Variants in SDHAF3 observed in about 807,000 individuals in gnomAD.
The protein encoded by SDHAF3 is succinate dehydrogenase complex assembly factor 3.
Under a neutral mutation model 11.5 loss-of-function variants are expected in SDHAF3, and 18 were observed. The observed-to-expected ratio is 1.56, with a 90% CI of 1.08 to 2.32. The LOEUF (loss-of-function observed/expected upper bound fraction) is 2.32, where lower values mean the gene tolerates loss of function less well. Ranked by LOEUF, SDHAF3 falls within the 30% of genes most tolerant of loss-of-function variation. The pLI, the probability that SDHAF3 is intolerant of heterozygous loss-of-function variation, is 0.00. For missense variants in SDHAF3, 200 were observed against 154.4 expected (o/e 1.30, Z -1.57); for synonymous variants, 72 against 59.3 (o/e 1.21, Z -0.99).
chr7:97,127,533 T>C (rs535258702), intron 1 of SDHAF3, among the ~76,000 whole-genome samples: 1 of 152,330 alleles, frequency 6.6e-6, no homozygotes, highest in Non-Finnish European at 1.5e-5. Context: ...TGTATGTATG[T>C]ATCATATATA....
intron 1 of SDHAF3, among the ~76,000 whole-genome samples, chr7:97,169,546 T>TTTA (rs1789572288): frequency 6.6e-6 from 1 of 152,160 alleles, no homozygotes; most frequent in Non-Finnish European, 1.5e-5. Flanking sequence ...ACATACTAAT[T>TTTA]TTATTTTCTC....
intron 1 of SDHAF3, among the ~76,000 whole-genome samples, chr7:97,176,961 C>G (rs759402106): frequency 1.3e-5 from 2 of 152,072 alleles, no homozygotes; most frequent in Non-Finnish European, 2.9e-5. Context: ...CCCTTTCTTA[C>G]TCCTCAGAGG....
At chr7:97,161,353 G>A (rs1410169787) in intron 1 of SDHAF3, among the ~76,000 whole-genome samples, 3 of 152,130 alleles carry the variant, frequency 2.0e-5, no homozygotes, top group Non-Finnish European at 4.4e-5. Flanking sequence ...TAGTCTATGG[G>A]ACTCGACTTC....
intron 1 of SDHAF3, among the ~76,000 whole-genome samples, chr7:97,164,399 TCAGA>T (rs750354230): frequency 1.0e-4 from 15 of 148,868 alleles, no homozygotes; most frequent in South Asian, 2.2e-4. Context: ...TTTTTTTTTT[TCAGA>T]CAGAGTTTCA....
intron 1 of SDHAF3, among the ~76,000 whole-genome samples, chr7:97,132,265 T>C (rs1791682042): frequency 6.6e-6 from 1 of 152,210 alleles, no homozygotes; most frequent in Non-Finnish European, 1.5e-5. Flanking sequence ...CTCAGACTTT[T>C]TCATGTTTAA....
chr7:97,153,067 C>G (rs1384794116), intron 1 of SDHAF3, among the ~76,000 whole-genome samples: 1 of 152,198 alleles, frequency 6.6e-6, no homozygotes, highest in African/African-American at 2.4e-5. Context: ...CTGTCACTGT[C>G]TTTGTTTCAA....
chr7:97,120,410 C>T (rs1337469976), intron 1 of SDHAF3, among the ~76,000 whole-genome samples: 1 of 152,020 alleles, frequency 6.6e-6, no homozygotes, highest in African/African-American at 2.4e-5. Flanking sequence ...AGAGAAGATG[C>T]TAATGATTGG....
chr7:97,118,387 G>C (rs929771028), intron 1 of SDHAF3, among the ~76,000 whole-genome samples: 1 of 152,182 alleles, frequency 6.6e-6, no homozygotes, highest in African/African-American at 2.4e-5. Context: ...ACATGAAAAA[G>C]ATTACAAAAG....
At chr7:97,173,799 A>G (rs539761470) in intron 1 of SDHAF3, among the ~76,000 whole-genome samples, 163 of 151,928 alleles carry the variant, frequency 1.1e-3, no homozygotes, top group Admixed American at 1.8e-3. Context: ...TGATCTGCCC[A>G]CCTCTGCCTC....
chr7:97,128,917 C>T (rs1409793092), intron 1 of SDHAF3, among the ~76,000 whole-genome samples: 2 of 151,964 alleles, frequency 1.3e-5, no homozygotes, highest in African/African-American at 4.8e-5. Flanking sequence ...GTTGCCCAGT[C>T]TGCTCTCGAA....
At chr7:97,176,131 C>A (rs1195207786) in intron 1 of SDHAF3, among the ~76,000 whole-genome samples, 1 of 152,178 alleles carries the variant, frequency 6.6e-6, no homozygotes, top group Non-Finnish European at 1.5e-5. Flanking sequence ...ATCACACTTG[C>A]AAAACCTATA....
intron 1 of SDHAF3, among the ~76,000 whole-genome samples, chr7:97,155,808 A>G (rs1036873942): frequency 5.3e-5 from 8 of 151,992 alleles, no homozygotes; most frequent in African/African-American, 1.9e-4. Flanking sequence ...ATATATTTAT[A>G]TATATTATAA....
intron 1 of SDHAF3, among the ~76,000 whole-genome samples, chr7:97,121,247 A>AT (rs1180833514): frequency 6.6e-6 from 1 of 152,202 alleles, no homozygotes. Flanking sequence ...AAGGCTTTCT[A>AT]TTTTTCTCTC....
At chr7:97,142,042 C>CTTTTTTTTTGTTTTTTTTTTTT (rs1789055540) in intron 1 of SDHAF3, among the ~76,000 whole-genome samples, 1 of 61,680 alleles carries the variant, frequency 1.6e-5, no homozygotes, top group East Asian at 6.7e-4. Context: ...GAATTGTTGT[C>CTTTTTTTTTGTTTTTTTTTTTT]TTTTTTTTTT....
At chr7:97,169,262 A>G (rs1167420281) in intron 1 of SDHAF3, among the ~76,000 whole-genome samples, 2 of 152,128 alleles carry the variant, frequency 1.3e-5, no homozygotes, top group African/African-American at 2.4e-5. Context: ...GTGAGCTAAG[A>G]TCGCGGCGCT....
chr7:97,150,240 T>C (rs1413490599), intron 1 of SDHAF3, among the ~76,000 whole-genome samples: 4 of 152,364 alleles, frequency 2.6e-5, no homozygotes, highest in African/African-American at 9.6e-5. Context: ...CTCCTGTTAA[T>C]GTTGATAGTT....
chr7:97,146,250 G>GTT (rs1285807965), intron 1 of SDHAF3, among the ~76,000 whole-genome samples: 3 of 152,056 alleles, frequency 2.0e-5, no homozygotes, highest in Non-Finnish European at 4.4e-5. Context: ...TCTATTATTA[G>GTT]TTTGGTTGTA....
intron 1 of SDHAF3, among the ~76,000 whole-genome samples, chr7:97,178,093 ATCTAT>A (rs1789711970): frequency 6.6e-6 from 1 of 152,124 alleles, no homozygotes; most frequent in African/African-American, 2.4e-5. Flanking sequence ...CCTTAGTATT[ATCTAT>A]TCTTTCTGTC....
chr7:97,146,732 A>G (rs1476683531), intron 1 of SDHAF3, among the ~76,000 whole-genome samples: 1 of 152,158 alleles, frequency 6.6e-6, no homozygotes, highest in African/African-American at 2.4e-5. Context: ...TTCTCAAATC[A>G]ATATTTTTTT....
Sources: gnomAD v4.1 joint callset for allele counts (sites outside exome capture counted in the v4.1 genomes callset) on GRCh38, gnomAD v4.1.1 for gene constraint, MANE v1.5 for transcripts, NCBI Gene and HGNC (gene_info 2026-07-23, HGNC 2026-07-21) for gene names.